Variants in SYNPO observed in about 807,000 individuals in gnomAD.
SYNPO encodes synaptopodin.
In SYNPO, 19 loss-of-function variants were observed where a neutral mutation model predicts 49.5. The observed-to-expected ratio is 0.38, with a 90% CI of 0.27 to 0.56. The LOEUF (loss-of-function observed/expected upper bound fraction) is 0.56. Ranked by LOEUF, SYNPO falls within the 20% of genes least tolerant of loss-of-function variation. The pLI, the probability that SYNPO is intolerant of heterozygous loss-of-function variation, is 0.68. For missense variants in SYNPO, 1,131 were observed against 1,248.3 expected, an observed-to-expected ratio of 0.91 and a Z score of 1.42; for synonymous variants, 536 against 548.0, an observed-to-expected ratio of 0.98 and a Z score of 0.31.
chr5:150,604,290 G>A (rs974116240), intron 1 of SYNPO, among the ~76,000 whole-genome samples: 2 of 152,214 alleles, frequency 1.3e-5, no homozygotes, highest in African/African-American at 4.8e-5. Flanking sequence ...GAGCAACTGC[G>A]TCCCAAAGAA....
At position 150,648,186 on chromosome 5, in the gene SYNPO, C is replaced by A; in HGVS notation, c.-90C>A. 1 of 1,578,104 alleles carries A rather than the reference C, an allele frequency of 6.3e-7. No individual in the cohort carries two copies. ...AAGCCTCCCAGGCCATGCACCGGGGCTCAGCCTGAGTTCCACCTCGCTGCC... is the reference window on the plus strand; with the variant it reads ...AAGCCTCCCAGGCCATGCACCGGGGATCAGCCTGAGTTCCACCTCGCTGCC... On this transcript the variant is annotated 5_prime_UTR_variant, in exon 2 of 3. Transcript: ENST00000307662. This position sits in a 1 kb window ranked among gnomAD's most constrained non-coding sequence, Gnocchi z 5.0.
intron 1 of SYNPO, among the ~76,000 whole-genome samples, chr5:150,613,093 C>T (rs755658702): frequency 3.3e-5 from 5 of 152,174 alleles, no homozygotes; most frequent in Non-Finnish European, 7.3e-5. Flanking sequence ...GCTTTATGTG[C>T]CTGGACCTGT....
In SYNPO at chr5:150,649,293, T is replaced by C. The variant is rs1758250459; in HGVS notation, c.1018T>C (p.Tyr340His). The C allele has an allele frequency of 6.2e-7, 1 of 1,613,994 alleles. No individual in the cohort carries two copies. Among genetic ancestry groups the C allele is most frequent in the South Asian group, 1.1e-5 (1 of 91,088 alleles). ...LASWVRSPPS[Y>H]SVLYPSSDPK... ...TTCCTGGGTGAGGTCTCCTCCCTCA[T>C]ATTCTGTCCTGTATCCCAGCTCCGA... Residue 340 changes from tyrosine (Y) to histidine (H), a missense_variant, in exon 2 of 3, where the codon TAT (tyrosine) becomes CAT (histidine). Transcript: ENST00000307662.
intron 2 of SYNPO, among the ~76,000 whole-genome samples, chr5:150,634,863 CCACACA>C (rs767392043): frequency 2.2e-5 from 1 of 45,798 alleles, no homozygotes; most frequent in Non-Finnish European, 4.0e-5. Flanking sequence ...CACACACACA[CCACACA>C]CACACACACA....
the SYNPO span, among the ~76,000 whole-genome samples, chr5:150,587,689 T>C: frequency 2.0e-5 from 3 of 152,214 alleles, no homozygotes; most frequent in Admixed American, 6.5e-5. Context: ...TTCCCTCTTA[T>C]AGGAGATGAG....
chr5:150,649,659 C>A lies in SYNPO; in HGVS notation c.1384C>A (p.Gln462Lys). ...WASCLKSPRI[Q>K]AKPKPKPNQN... ...CTCCTGCCTCAAGTCACCCCGCATC[C>A]AGGCCAAGCCGAAGCCCAAACCCAA... is the stretch of plus-strand genomic sequence containing the variant. The change falls in exon 2 of 3, where the codon CAG becomes AAG. Residue 462 changes from glutamine to lysine, a missense_variant. By Grantham distance (53) the Gln-to-Lys change is moderately conservative. Coordinates refer to ENST00000307662, the MANE Select transcript of SYNPO (RefSeq NM_007286.6). 6.2e-7 allele frequency: 1 copy of A among 1,609,898 alleles called. No homozygotes were observed. The highest frequency in any genetic ancestry group is 8.5e-7 in the Non-Finnish European group (1 of 1,179,970).
At chr5:150,626,962 G>A (rs1362843745) in intron 2 of SYNPO, among the ~76,000 whole-genome samples, 1 of 152,172 alleles carries the variant, frequency 6.6e-6, no homozygotes, top group Non-Finnish European at 1.5e-5. Context: ...CATTTCCAGG[G>A]CTGACATGTG....
intron 1 of SYNPO, among the ~76,000 whole-genome samples, chr5:150,606,456 G>A (rs115074358): frequency 0.014 from 2,147 of 152,324 alleles, 55 homozygotes; most frequent in African/African-American, 0.049. Flanking sequence ...GGAGAAGAGG[G>A]GAAGTCACTT....
chr5:150,647,923 G>A, intron 1 of SYNPO, 21 bp from the exon 2 acceptor site: 2 of 1,542,032 alleles, frequency 1.3e-6, no homozygotes, highest in Admixed American at 2.0e-5. Context: ...TTGCTAACTG[G>A]GCTTTTGTCC....
intron 1 of SYNPO, among the ~76,000 whole-genome samples, chr5:150,609,788 G>GTGGC (rs931763928): frequency 6.6e-6 from 1 of 151,306 alleles, no homozygotes; most frequent in African/African-American, 2.4e-5. Flanking sequence ...GAATGTGGCG[G>GTGGC]GGGGGGGCAG....
intron 2 of SYNPO, chr5:150,651,229 C>T: frequency 3.0e-6 from 3 of 1,004,384 alleles, no homozygotes; most frequent in Non-Finnish European, 3.6e-6. Context: ...CAAGATCTGC[C>T]TGACTAAAAG....
At chr5:150,618,559 T>G in exon 2 of SYNPO, 9 of 1,548,356 alleles carry the variant, frequency 5.8e-6, no homozygotes, top group Non-Finnish European at 7.9e-6. Flanking sequence ...TCAGCAGGAG[T>G]GGGGACGACT....
the SYNPO span, among the ~76,000 whole-genome samples, chr5:150,594,873 A>T: frequency 3.9e-5 from 6 of 152,144 alleles, no homozygotes; most frequent in Non-Finnish European, 8.8e-5. Context: ...CCAGACCTCC[A>T]TCAACTGCCC....
At chr5:150,625,044 G>T in intron 2 of SYNPO, 1 of 908,978 alleles carries the variant, frequency 1.1e-6, no homozygotes, top group Non-Finnish European at 1.3e-6. Context: ...GGTGACCTTG[G>T]CCAAGTCGCT....
chr5:150,622,641 G>A (rs986524458), intron 2 of SYNPO, among the ~76,000 whole-genome samples: 4 of 152,216 alleles, frequency 2.6e-5, no homozygotes, highest in Non-Finnish European at 4.4e-5. Context: ...GGACATGTCT[G>A]TTTTGTTCAG....
intron 2 of SYNPO, among the ~76,000 whole-genome samples, chr5:150,634,048 T>G (rs1757627804): frequency 6.6e-6 from 1 of 152,220 alleles, no homozygotes; most frequent in South Asian, 2.1e-4. Context: ...TGTGTGAAAG[T>G]CTGTATTCCA....
At chr5:150,636,868 C>T (rs1757734224), upstream of SYNPO, among the ~76,000 whole-genome samples, 1 of 152,022 alleles carries the variant, frequency 6.6e-6, no homozygotes, top group African/African-American at 2.4e-5. Flanking sequence ...AGACCAGACC[C>T]AGAGAGGGGT....
intron 1 of SYNPO, among the ~76,000 whole-genome samples, chr5:150,603,896 T>C (rs1290665760): frequency 2.0e-5 from 3 of 152,328 alleles, no homozygotes; most frequent in African/African-American, 7.2e-5. Flanking sequence ...AACAAAATGC[T>C]ATTTCCAGGA....
intron 1 of SYNPO, among the ~76,000 whole-genome samples, chr5:150,605,127 G>C (rs1007421935): frequency 1.3e-5 from 2 of 152,176 alleles, no homozygotes; most frequent in African/African-American, 4.8e-5. Flanking sequence ...TGGAAACCCA[G>C]AGGCCTTTGC....
Sources: allele counts gnomAD v4.1 joint callset (sites outside exome capture counted in the v4.1 genomes callset), GRCh38; gene constraint gnomAD v4.1.1; non-coding constraint Gnocchi (gnomAD v3.1); transcripts MANE v1.5; gene names NCBI Gene and HGNC (gene_info 2026-07-23, HGNC 2026-07-21).